The following ZNF560 variants were observed in gnomAD, a reference collection of about 807,000 sequenced individuals.
ZNF560 encodes the protein zinc finger protein 560.
A neutral mutation model predicts 81.8 loss-of-function variants in ZNF560; 54 were observed. The ratio of observed to expected loss-of-function variants is 0.66; its 90% confidence interval spans 0.53 to 0.83. ZNF560 has a LOEUF of 0.83. ZNF560 is among the 40% of genes least tolerant of loss of function. ZNF560 has a pLI of 0.00. For missense variants in ZNF560, 940 were observed against 932.4 expected (o/e 1.01, Z -0.11); for synonymous variants, 321 against 317.9 (o/e 1.01, Z -0.10).
downstream of ZNF560, among the ~76,000 whole-genome samples, chr19:9,465,827 T>C (rs539679764): frequency 6.6e-6 from 1 of 152,252 alleles, no homozygotes; most frequent in East Asian, 1.9e-4. Flanking sequence ...ACCCCGTCTC[T>C]ACTAAAAATA....
At chr19:9,492,557 G>C (rs975175715) in intron 2 of ZNF560, among the ~76,000 whole-genome samples, 1 of 152,206 alleles carries the variant, frequency 6.6e-6, no homozygotes, top group Non-Finnish European at 1.5e-5. Flanking sequence ...TGCAAAGGAA[G>C]TGCAACAGTG....
At chr19:9,500,766 G>A (rs896075270), upstream of ZNF560, among the ~76,000 whole-genome samples, 7 of 151,864 alleles carry the variant, frequency 4.6e-5, no homozygotes, top group East Asian at 3.9e-4. Flanking sequence ...TAGTAGAGAC[G>A]GGGTTTCACC....
chr19:9,483,922 G>A (rs928658261), intron 2 of ZNF560, among the ~76,000 whole-genome samples: 3 of 152,180 alleles, frequency 2.0e-5, no homozygotes, highest in Non-Finnish European at 4.4e-5. Flanking sequence ...AGTAGACATA[G>A]GAGACTCCAT....
In ZNF560 at chr19:9,492,749, T is replaced by C. The variant is rs140808143; in HGVS notation, c.-57+5379A>G. Among the ~76,000 whole-genome samples the C allele has an allele frequency of 2.0e-5, 3 of 152,320 alleles. No homozygotes were observed. In the East Asian group the frequency reaches 5.8e-4, roughly 29 times the overall value. On this transcript the variant is annotated intron_variant, in intron 2 of 9. Transcript: ENST00000301480. ...GTGTATGCTCTGAATCAGAGATCAC[T>C]AGATACTACTATCTCACCACAGTCA...
chr19:9,470,003 A>G (rs1050170263), intron 7 of ZNF560: 1 of 436,254 alleles, frequency 2.3e-6, no homozygotes, highest in Non-Finnish European at 4.1e-6. Flanking sequence ...AACCTTTATT[A>G]AAATAGAAAC....
intron 2 of ZNF560, among the ~76,000 whole-genome samples, chr19:9,497,913 G>A (rs1282859321): frequency 6.6e-6 from 1 of 152,156 alleles, no homozygotes; most frequent in Non-Finnish European, 1.5e-5. Context: ...GGTTTCTTTA[G>A]TAGAAAGACT....
chr19:9,471,252 TTC>T (rs1314909783), intron 6 of ZNF560, 42 bp downstream of exon 6: 11 of 1,418,678 alleles, frequency 7.8e-6, no homozygotes, highest in Middle Eastern at 2.4e-4. Flanking sequence ...AGTCCCAATA[TTC>T]TCTGAGTGTG....
At chr19:9,464,369 C>T (rs145380765), downstream of ZNF560, among the ~76,000 whole-genome samples, 6 of 152,312 alleles carry the variant, frequency 3.9e-5, no homozygotes, top group African/African-American at 1.2e-4. Context: ...AGACAACATT[C>T]GTGGTTCCCA....
rs759173273 is a variant in ZNF560, at chr19:9,473,294, G to A, written c.158-35C>T. ...AAGAAATGATACATTAATGGAAGAG[G>A]CTCAGGCCAGGCACAGTGGCTCATG... On this transcript the variant is annotated intron_variant, in intron 4 of 9. Transcript: ENST00000301480. The A allele has an allele frequency of 5.8e-6, 9 of 1,544,732 alleles. No homozygotes were observed. The African/African-American group carries it at 1.2e-4, about 21-fold the overall frequency.
intron 2 of ZNF560, among the ~76,000 whole-genome samples, chr19:9,486,061 A>C (rs1465668069): frequency 6.6e-6 from 1 of 152,174 alleles, no homozygotes; most frequent in African/African-American, 2.4e-5. Context: ...AGCTGGTGCA[A>C]ATATACAAAA....
intron 2 of ZNF560, among the ~76,000 whole-genome samples, chr19:9,484,768 G>A (rs868150787): frequency 6.7e-6 from 1 of 150,058 alleles, no homozygotes; most frequent in African/African-American, 2.5e-5. Flanking sequence ...GGGCGACAGA[G>A]CAAGACTCCA....
intron 2 of ZNF560, among the ~76,000 whole-genome samples, chr19:9,496,634 AAAAGACAAC>A (rs139549798): frequency 0.046 from 6,938 of 151,136 alleles, 572 homozygotes; most frequent in African/African-American, 0.16. Flanking sequence ...CAAGAAAAAC[AAAAGACAAC>A]AAAGAAGATC....
rs370692414 is a variant in ZNF560, at chr19:9,471,277, T to C, written c.321+19A>G. ...TTCTCTGAGTGTGAAAAATAAGAAA[T>C]ACCCTTTCTTAACATTACCATTTGT... On this transcript the variant is annotated intron_variant, in intron 6 of 9. Coordinates refer to ENST00000301480, the MANE Select transcript of ZNF560 (RefSeq NM_152476.3). 19 of 1,534,220 alleles carry C rather than the reference T, an allele frequency of 1.2e-5. No homozygotes were observed. The African/African-American group carries it at 2.7e-4, about 22-fold the overall frequency.
At chr19:9,475,172 G>T in intron 3 of ZNF560, 112 bp downstream of exon 3, 1 of 1,115,934 alleles carries the variant, frequency 9.0e-7, no homozygotes, top group Non-Finnish European at 1.3e-6. Flanking sequence ...CAGTGCTTGA[G>T]TGAGTCTTTA....
At chr19:9,493,960 C>CT (rs1189410511) in intron 2 of ZNF560, among the ~76,000 whole-genome samples, 1 of 151,614 alleles carries the variant, frequency 6.6e-6, no homozygotes, top group African/African-American at 2.4e-5. Context: ...TGGTGAAACA[C>CT]TGTCTCTACT....
At chr19:9,495,662 G>A (rs544922149) in intron 2 of ZNF560, among the ~76,000 whole-genome samples, 7 of 152,242 alleles carry the variant, frequency 4.6e-5, no homozygotes, top group African/African-American at 1.7e-4. Context: ...TATTCAGATG[G>A]CACCACTGCA....
In ZNF560 at chr19:9,467,853, T is replaced by C; in HGVS notation, c.1094A>G (p.Asn365Ser). ...KDFRYPTHLN[N>S]HMQTHIGIKP... is the part of the protein sequence containing the mutation. ...TATCCCAATGTGGGTTTGCATGTGATTATTAAGGTGGGTAGGGTATCTAAA... is the reference window on the plus strand; with the variant it reads ...TATCCCAATGTGGGTTTGCATGTGACTATTAAGGTGGGTAGGGTATCTAAA... Residue 365 changes from asparagine (N) to serine (S), a missense_variant, in exon 10 of 10, where the codon AAT (asparagine) becomes AGT (serine). Coordinates refer to ENST00000301480, the MANE Select transcript of ZNF560 (RefSeq NM_152476.3). 6.2e-7 allele frequency: 1 copy of C among 1,614,164 alleles called. No individual in the cohort carries two copies. Among genetic ancestry groups the C allele is most frequent in the Admixed American group, 1.7e-5 (1 of 60,012 alleles).
intron 5 of ZNF560, among the ~76,000 whole-genome samples, chr19:9,471,863 C>A (rs1295270488): frequency 6.6e-6 from 1 of 152,206 alleles, no homozygotes; most frequent in African/African-American, 2.4e-5. Context: ...GTAATCCCAG[C>A]ACTTTGGGAG....
chr19:9,505,856 G>C, the ZNF560 span, among the ~76,000 whole-genome samples: 35 of 152,220 alleles, frequency 2.3e-4, no homozygotes, highest in Non-Finnish European at 4.3e-4. Context: ...TAGAGACAGG[G>C]TTTCACCATG....
Sources: allele counts gnomAD v4.1 joint callset (sites outside exome capture counted in the v4.1 genomes callset), GRCh38; gene constraint gnomAD v4.1.1; transcripts MANE v1.5; gene names NCBI Gene and HGNC (gene_info 2026-07-23, HGNC 2026-07-21).